Variants in ZC2HC1B observed in about 807,000 individuals in gnomAD.
ZC2HC1B encodes the protein zinc finger C2HC domain-containing protein 1B.
ZC2HC1B carries 36 observed loss-of-function variants against 31.0 expected under a neutral mutation model. The observed-to-expected ratio is 1.16, with a 90% CI of 0.89 to 1.54. The LOEUF (loss-of-function observed/expected upper bound fraction) is 1.54, where lower values mean the gene tolerates loss of function less well. Among genes scored for constraint, ZC2HC1B ranks in the 40% most tolerant of loss-of-function variants. The pLI is 0.00. For missense variants in ZC2HC1B, 260 were observed against 268.6 expected, an observed-to-expected ratio of 0.97 and a Z score of 0.22; for synonymous variants, 73 against 88.0, an observed-to-expected ratio of 0.83 and a Z score of 0.95.
chr6:143,919,977 G>C (rs1777969105), intron 6 of ZC2HC1B, among the ~76,000 whole-genome samples: 1 of 151,998 alleles, frequency 6.6e-6, no homozygotes, highest in Admixed American at 6.6e-5. Context: ...ACTTAACAGT[G>C]AGGTAGATAC....
chr6:143,933,233 CTGTTA>C lies in ZC2HC1B; in HGVS notation c.599-4413_599-4409del, dbSNP rs1387433724. Among the ~76,000 whole-genome samples the C allele has an allele frequency of 2.0e-5, 3 of 152,076 alleles. No homozygotes were observed. The highest frequency in any genetic ancestry group is 4.4e-5 in the Non-Finnish European group (3 of 68,018). ...TTTCCTTCATTAGAGCAGGGTTGTT[CTGTTA>C]TGAGTTGCTATAATGTTCTGAGTTG... On this transcript the variant is annotated intron_variant, in intron 6 of 7. Coordinates refer to ENST00000237275, the MANE Select transcript of ZC2HC1B (RefSeq NM_001013623.3). The surrounding 1 kb of genome is among the most constrained non-coding windows in gnomAD (Gnocchi z 6.4).
At chr6:143,937,114 G>A (rs1363195508) in intron 6 of ZC2HC1B, among the ~76,000 whole-genome samples, 2 of 152,076 alleles carry the variant, frequency 1.3e-5, no homozygotes, top group African/African-American at 2.4e-5. Flanking sequence ...CCATGGTGTG[G>A]TGTGCCCATA....
chr6:143,937,696 A>G lies in ZC2HC1B; in HGVS notation c.646A>G (p.Ser216Gly). ...TGGAGCAAAACTCAGACAAGGATTT[A>G]GTAAATCTTCTAAAAAAGATTAACT... ...ASGAKLRQGF[S>G]KSSKKD Residue 216 changes from serine (S) to glycine (G), a missense_variant, in exon 7 of 8, where the codon AGT (serine) becomes GGT (glycine). Transcript: ENST00000237275. The G allele has an allele frequency of 1.3e-6, 2 of 1,551,206 alleles. No homozygotes were observed. The highest frequency in any genetic ancestry group is 2.4e-5 in the South Asian group (2 of 83,886).
intron 6 of ZC2HC1B, among the ~76,000 whole-genome samples, chr6:143,920,692 C>A (rs1777976312): frequency 6.6e-6 from 1 of 151,978 alleles, no homozygotes; most frequent in Non-Finnish European, 1.5e-5. Context: ...AGGCAGATCA[C>A]AAGTCAGGAG....
intron 4 of ZC2HC1B, among the ~76,000 whole-genome samples, chr6:143,890,240 G>A (rs1228425933): frequency 6.6e-6 from 1 of 151,934 alleles, no homozygotes; most frequent in Non-Finnish European, 1.5e-5. Context: ...CTCTTTAAAA[G>A]ATTAGGAAAA....
intron 6 of ZC2HC1B, among the ~76,000 whole-genome samples, chr6:143,926,697 A>G (rs1778050618): frequency 6.6e-6 from 1 of 152,018 alleles, no homozygotes. Context: ...TGTCTAATAT[A>G]GAGAGTAGGG....
chr6:143,917,595 A>G lies in ZC2HC1B; in HGVS notation c.598+14443A>G, dbSNP rs577120698. Among the ~76,000 whole-genome samples, 1 of 152,360 alleles carries G rather than the reference A, an allele frequency of 6.6e-6. No individual in the cohort carries two copies. The highest frequency in any genetic ancestry group is 1.9e-4 in the East Asian group (1 of 5,194). ...ATGTCACAAAATTACATCTTTATAC[A>G]GGTTGAATGCTCCTAATCTAAAAAT... On this transcript the variant is annotated intron_variant, in intron 6 of 7. Transcript: ENST00000237275. The surrounding 1 kb of genome is among the most constrained non-coding windows in gnomAD (Gnocchi z 4.1).
At chr6:143,929,705 T>TTTGTTG (rs141901686) in intron 6 of ZC2HC1B, among the ~76,000 whole-genome samples, 2 of 152,042 alleles carry the variant, frequency 1.3e-5, no homozygotes, top group Non-Finnish European at 2.9e-5. Context: ...CCTGGGCTCT[T>TTTGTTG]TTGTTGTTGT....
chr6:143,916,064 G>A (rs888834416), intron 6 of ZC2HC1B, among the ~76,000 whole-genome samples: 6 of 152,156 alleles, frequency 3.9e-5, no homozygotes, highest in African/African-American at 1.4e-4. Flanking sequence ...TCATAGGCCC[G>A]AGGTTTAAGG....
rs971691370 is a variant in ZC2HC1B, at chr6:143,913,936, G to T, written c.598+10784G>T. On this transcript the variant is annotated intron_variant, in intron 6 of 7. Coordinates refer to ENST00000237275, the MANE Select transcript of ZC2HC1B (RefSeq NM_001013623.3). This position sits in a 1 kb window ranked among gnomAD's most constrained non-coding sequence, Gnocchi z 5.7. ...AAAGCTGTATTCACTTGCCTGTTTT[G>T]TTCCTTTCTGTGAGTGCTGTGGACC... is the stretch of plus-strand genomic sequence containing the variant. Among the ~76,000 whole-genome samples the T allele has an allele frequency of 1.3e-5, 2 of 152,298 alleles. No individual in the cohort carries two copies. Among genetic ancestry groups the T allele is most frequent in the African/African-American group, 4.8e-5 (2 of 41,564 alleles).
intron 6 of ZC2HC1B, among the ~76,000 whole-genome samples, chr6:143,916,479 G>A (rs756253563): frequency 2.0e-4 from 31 of 152,166 alleles, no homozygotes; most frequent in African/African-American, 6.3e-4. Flanking sequence ...GCTGGCTGCC[G>A]TCCTCCAGAC....
Position 143,886,727 on chromosome 6 carries a change from CTT to C in ZC2HC1B, c.257_258del (p.Phe86TyrfsTer2), listed in dbSNP as rs1328587333. 1.3e-6 allele frequency: 2 copies of C among 1,547,524 alleles called. No individual in the cohort carries two copies. The highest frequency in any genetic ancestry group is 4.0e-5 in the Admixed American group (2 of 50,524). On this transcript the variant is annotated frameshift_variant, in exon 4 of 8. Transcript: ENST00000237275. LOFTEE classifies it high-confidence loss of function. This position sits in a 1 kb window ranked among gnomAD's most constrained non-coding sequence, Gnocchi z 4.2. ...KSNWRQQHED[F>X]INAIRSAKQC... ...CTAACTGGAGACAACAACATGAAGACTTTATTAATGCAATCCGATCAGCAAAG... is the reference window on the plus strand; with the variant it reads ...CTAACTGGAGACAACAACATGAAGACTATTAATGCAATCCGATCAGCAAAG...
In ZC2HC1B at chr6:143,887,418, T is replaced by C. The variant is rs1777543074; in HGVS notation, c.349+597T>C. Among the ~76,000 whole-genome samples the C allele has an allele frequency of 6.6e-6, 1 of 152,210 alleles. No individual in the cohort carries two copies. The highest frequency in any genetic ancestry group is 1.5e-5 in the Non-Finnish European group (1 of 68,028). On this transcript the variant is annotated intron_variant, in intron 4 of 7. Coordinates refer to ENST00000237275, the MANE Select transcript of ZC2HC1B (RefSeq NM_001013623.3). The surrounding 1 kb of genome is among the most constrained non-coding windows in gnomAD (Gnocchi z 5.1). ...TTCCAAGCATCATTAATACTTTAGC[T>C]ATTTTAGTATGCGTCTCTTAAGTAT...
chr6:143,928,741 G>T (rs1192058246), intron 6 of ZC2HC1B, among the ~76,000 whole-genome samples: 1 of 150,764 alleles, frequency 6.6e-6, no homozygotes, highest in East Asian at 1.9e-4. Context: ...CCATTTATTT[G>T]TGTCCTCTTA....
chr6:143,877,048 C>A (rs2128493462), intron 1 of ZC2HC1B, among the ~76,000 whole-genome samples: 2 of 150,126 alleles, frequency 1.3e-5, no homozygotes, highest in Middle Eastern at 3.4e-3. Context: ...AGGTTTATGT[C>A]CTTCTTTTTT....
At position 143,887,425 on chromosome 6, in the gene ZC2HC1B, G is replaced by T. The variant is rs1451865223; in HGVS notation, c.349+604G>T. On this transcript the variant is annotated intron_variant, in intron 4 of 7. Coordinates refer to ENST00000237275, the MANE Select transcript of ZC2HC1B (RefSeq NM_001013623.3). The surrounding 1 kb of genome is among the most constrained non-coding windows in gnomAD (Gnocchi z 5.1). ...CATCATTAATACTTTAGCTATTTTA[G>T]TATGCGTCTCTTAAGTATGAGTTCC... Among the ~76,000 whole-genome samples, 2 of 151,966 alleles carry T rather than the reference G, an allele frequency of 1.3e-5. No homozygotes were observed. The highest frequency in any genetic ancestry group is 2.9e-5 in the Non-Finnish European group (2 of 68,000).
chr6:143,890,058 C>T lies in ZC2HC1B; in HGVS notation c.349+3237C>T, dbSNP rs534091370. On this transcript the variant is annotated intron_variant, in intron 4 of 7. Coordinates refer to ENST00000237275, the MANE Select transcript of ZC2HC1B (RefSeq NM_001013623.3). ...ATCAACAAGTCATTTCTAAATAACCCTTGGATCTAAGAAGAAATCACAAGA... is the reference window on the plus strand; with the variant it reads ...ATCAACAAGTCATTTCTAAATAACCTTTGGATCTAAGAAGAAATCACAAGA... Among the ~76,000 whole-genome samples the T allele has an allele frequency of 2.0e-4, 31 of 152,098 alleles. No individual in the cohort carries two copies. The South Asian group carries it at 5.6e-3, about 27-fold the overall frequency.
intron 6 of ZC2HC1B, among the ~76,000 whole-genome samples, chr6:143,912,097 G>A (rs1319491644): frequency 2.6e-5 from 4 of 152,148 alleles, no homozygotes; most frequent in African/African-American, 9.6e-5. Flanking sequence ...GTCCTGTACT[G>A]TGCTTTTCAG....
At chr6:143,912,681 G>C (rs1475563821) in intron 6 of ZC2HC1B, among the ~76,000 whole-genome samples, 1 of 152,220 alleles carries the variant, frequency 6.6e-6, no homozygotes, top group Non-Finnish European at 1.5e-5. Flanking sequence ...GCCTGTAGGA[G>C]GTGGCTGAAG....
Sources: gnomAD v4.1 joint callset for allele counts (sites outside exome capture counted in the v4.1 genomes callset) on GRCh38, gnomAD v4.1.1 for gene constraint, Gnocchi (gnomAD v3.1) non-coding constraint, MANE v1.5 for transcripts, NCBI Gene and HGNC (gene_info 2026-07-23, HGNC 2026-07-21) for gene names.